Variants in PAK5 observed in about 807,000 individuals in gnomAD.
The protein encoded by PAK5 is p21 (RAC1) activated kinase 5.
In PAK5, 16 loss-of-function variants were observed where a neutral mutation model predicts 65.9. That is an observed-to-expected ratio of 0.24 (90% CI 0.16 to 0.37). The LOEUF is 0.37. PAK5 is among the 10% of genes least tolerant of loss of function. The pLI is 1.00. For missense variants in PAK5, 785 were observed against 903.9 expected, an observed-to-expected ratio of 0.87 and a Z score of 1.69; for synonymous variants, 371 against 354.9, an observed-to-expected ratio of 1.05 and a Z score of -0.51.
intron 2 of PAK5, among the ~76,000 whole-genome samples, chr20:9,647,077 A>G (rs546256872): frequency 6.6e-6 from 1 of 152,364 alleles, no homozygotes; most frequent in South Asian, 2.1e-4. Context: ...TCTACCTTGC[A>G]TCTTCAGATG....
At chr20:9,687,984 G>A (rs1213026947) in intron 2 of PAK5, among the ~76,000 whole-genome samples, 1 of 151,930 alleles carries the variant, frequency 6.6e-6, no homozygotes. Context: ...GGTCCAGGAA[G>A]GCTCTGAGAT....
At chr20:9,820,682 T>C (rs149549335) in intron 1 of PAK5, among the ~76,000 whole-genome samples, 4 of 152,210 alleles carry the variant, frequency 2.6e-5, no homozygotes, top group East Asian at 1.9e-4. Context: ...AAAACACACA[T>C]AATTAAGAAG....
chr20:9,617,497 G>T (rs219862), intron 3 of PAK5, among the ~76,000 whole-genome samples: 56,352 of 150,126 alleles, frequency 0.38, 12,608 homozygotes, highest in South Asian at 0.64. Context: ...TGATAAAACT[G>T]AGGCTGAGAG....
intron 3 of PAK5, among the ~76,000 whole-genome samples, chr20:9,599,744 T>A (rs2123100877): frequency 6.6e-6 from 1 of 152,322 alleles, no homozygotes. Context: ...TTTTTCTATA[T>A]TCTGGGTATT....
intron 2 of PAK5, among the ~76,000 whole-genome samples, chr20:9,657,415 G>T: frequency 6.6e-6 from 1 of 152,110 alleles, no homozygotes; most frequent in South Asian, 2.1e-4. Context: ...TAGTTTGGTT[G>T]TTTCTAGTTT....
At chr20:9,641,757 C>A (rs563202514) in intron 3 of PAK5, among the ~76,000 whole-genome samples, 1 of 152,090 alleles carries the variant, frequency 6.6e-6, no homozygotes, top group African/African-American at 2.4e-5. Context: ...TAAGGCCCGG[C>A]GAGAAATCGA....
At chr20:9,827,870 C>T (rs188025427) in intron 1 of PAK5, among the ~76,000 whole-genome samples, 37 of 152,276 alleles carry the variant, frequency 2.4e-4, no homozygotes, top group Admixed American at 7.8e-4. Flanking sequence ...CTTGCTTTGT[C>T]GCCCAGGCTG....
intron 3 of PAK5, among the ~76,000 whole-genome samples, chr20:9,642,103 T>C (rs1600186767): frequency 6.6e-6 from 1 of 151,748 alleles, no homozygotes; most frequent in Non-Finnish European, 1.5e-5. Context: ...GCAGGGGAGG[T>C]GCCGAGAGCA....
intron 1 of PAK5, among the ~76,000 whole-genome samples, chr20:9,813,297 C>G (rs1397548205): frequency 1.3e-5 from 2 of 151,236 alleles, no homozygotes; most frequent in African/African-American, 4.8e-5. Context: ...TTGGGGGTGA[C>G]AGATATGTTC....
At chr20:9,583,105 T>C (rs1408231663) in intron 3 of PAK5, among the ~76,000 whole-genome samples, 7 of 152,218 alleles carry the variant, frequency 4.6e-5, no homozygotes, top group Admixed American at 2.6e-4. Context: ...CTACTGGGTG[T>C]CATTGCCAGG....
chr20:9,569,233 T>C (rs1408558446), intron 4 of PAK5, among the ~76,000 whole-genome samples: 1 of 152,210 alleles, frequency 6.6e-6, no homozygotes, highest in Non-Finnish European at 1.5e-5. Context: ...AGCTAATACA[T>C]GGTGGAAAAT....
intron 1 of PAK5, among the ~76,000 whole-genome samples, chr20:9,766,913 T>C (rs2048774804): frequency 2.3e-5 from 1 of 44,240 alleles, no homozygotes; most frequent in African/African-American, 7.5e-5. Context: ...TTAAAATGTT[T>C]TTTTTTTTAA....
At chr20:9,588,617 CAG>C (rs2046111831) in intron 3 of PAK5, among the ~76,000 whole-genome samples, 1 of 152,158 alleles carries the variant, frequency 6.6e-6, no homozygotes, top group African/African-American at 2.4e-5. Flanking sequence ...TCCAAACATG[CAG>C]AGTTTTCCAA....
At chr20:9,563,397 T>A (rs2045622657) in intron 5 of PAK5, among the ~76,000 whole-genome samples, 1 of 152,182 alleles carries the variant, frequency 6.6e-6, no homozygotes, top group African/African-American at 2.4e-5. Context: ...CTGCTGGTTA[T>A]CCTAGCAAAG....
intron 2 of PAK5, among the ~76,000 whole-genome samples, chr20:9,650,437 G>T (rs929077145): frequency 3.3e-5 from 5 of 152,186 alleles, no homozygotes; most frequent in Non-Finnish European, 7.3e-5. Flanking sequence ...GGTGGAGAAA[G>T]AGGTTGGGTA....
chr20:9,676,201 G>A lies in PAK5; in HGVS notation c.-11-31862C>T, dbSNP rs927279757. Among the ~76,000 whole-genome samples, 15 of 151,722 alleles carry A rather than the reference G, an allele frequency of 9.9e-5. No homozygotes were observed. The East Asian group carries it at 1.2e-3, about 12-fold the overall frequency. The stretch of plus-strand genomic sequence containing the variant: ...AGACTTACTATCACAAGAACAGCAC[G>A]GGAAGGACCTGCCCCCATGATTCAA... On this transcript the variant is annotated intron_variant, in intron 2 of 9. Transcript: ENST00000353224.
intron 1 of PAK5, among the ~76,000 whole-genome samples, chr20:9,798,006 G>A (rs1211389083): frequency 3.3e-5 from 5 of 152,068 alleles, no homozygotes; most frequent in East Asian, 1.9e-4. Flanking sequence ...AGGCTGTTCT[G>A]GAAAAGAAGC....
At chr20:9,762,224 AC>A (rs1446342521) in intron 1 of PAK5, among the ~76,000 whole-genome samples, 2 of 152,100 alleles carry the variant, frequency 1.3e-5, no homozygotes, top group Non-Finnish European at 2.9e-5. Context: ...TGGATATAGC[AC>A]CCAAAGCATA....
In PAK5 at chr20:9,784,177, C is replaced by T. The variant is rs574209964; in HGVS notation, c.-162+54585G>A. ...TTAATTAAAAGGACTATTCTTGATGCTCTGTTTGTACTTCTACAATATTAT... is the reference window on the plus strand; with the variant it reads ...TTAATTAAAAGGACTATTCTTGATGTTCTGTTTGTACTTCTACAATATTAT... On this transcript the variant is annotated intron_variant, in intron 1 of 9. Transcript: ENST00000353224. Among the ~76,000 whole-genome samples the T allele has an allele frequency of 3.3e-5, 5 of 152,244 alleles. No homozygotes were observed. The East Asian group carries it at 5.8e-4, about 18-fold the overall frequency.
Sources: gnomAD v4.1 joint callset for allele counts (sites outside exome capture counted in the v4.1 genomes callset) on GRCh38, gnomAD v4.1.1 for gene constraint, MANE v1.5 for transcripts, NCBI Gene and HGNC (gene_info 2026-07-23, HGNC 2026-07-21) for gene names.